The following NLRP13 variants were observed in gnomAD, a reference collection of about 807,000 sequenced individuals.
NLRP13 encodes NLR family pyrin domain containing 13.
In NLRP13, 82 loss-of-function variants were observed where a neutral mutation model predicts 94.4. That is an observed-to-expected ratio of 0.87 (90% CI 0.73 to 1.04). The LOEUF (loss-of-function observed/expected upper bound fraction) is 1.04. Ranked by LOEUF, NLRP13 falls within the 50% of genes least tolerant of loss-of-function variation. NLRP13 has a pLI of 0.00. For missense variants in NLRP13, 1,426 were observed against 1,230.8 expected, an observed-to-expected ratio of 1.16 and a Z score of -2.37; for synonymous variants, 553 against 464.7, an observed-to-expected ratio of 1.19 and a Z score of -2.45.
At chr19:55,892,647 CTGA>C (rs1228128323), downstream of NLRP13, among the ~76,000 whole-genome samples, 5 of 152,156 alleles carry the variant, frequency 3.3e-5, no homozygotes, top group African/African-American at 1.2e-4. Context: ...TCTCGAACTC[CTGA>C]CCTCAGGTGA....
At chr19:55,903,782 A>G (rs1986257773) in intron 8 of NLRP13, among the ~76,000 whole-genome samples, 1 of 151,744 alleles carries the variant, frequency 6.6e-6, no homozygotes, top group South Asian at 2.1e-4. Context: ...CTACCTTCCG[A>G]TCTATCCTGA....
At chr19:55,920,691 A>G (rs1194628612) in intron 4 of NLRP13, among the ~76,000 whole-genome samples, 2 of 152,178 alleles carry the variant, frequency 1.3e-5, no homozygotes, top group Non-Finnish European at 2.9e-5. Flanking sequence ...TGAAAATATT[A>G]GGATATTTCT....
intron 4 of NLRP13, among the ~76,000 whole-genome samples, chr19:55,920,494 A>G (rs1763524060): frequency 6.6e-6 from 1 of 152,122 alleles, no homozygotes; most frequent in South Asian, 2.1e-4. Flanking sequence ...GAGAAAGGAC[A>G]TAAGCAGACA....
At chr19:55,916,890 G>C (rs1224566195) in intron 4 of NLRP13, among the ~76,000 whole-genome samples, 1 of 152,080 alleles carries the variant, frequency 6.6e-6, no homozygotes, top group Non-Finnish European at 1.5e-5. Context: ...TGCATTGCAA[G>C]AAGGGCCTCA....
At chr19:55,921,257 T>C (rs542805887) in intron 4 of NLRP13, among the ~76,000 whole-genome samples, 1 of 152,266 alleles carries the variant, frequency 6.6e-6, no homozygotes, top group East Asian at 1.9e-4. Context: ...GCAAACCACA[T>C]ATTGAGTCAA....
rs562274443 is a variant in NLRP13 at position 55,899,062 on chromosome 19, C to T, written c.2790-125G>A. 2.7e-5 allele frequency: 28 copies of T among 1,030,150 alleles called. No individual in the cohort carries two copies. In the South Asian group the frequency reaches 4.6e-4, roughly 17 times the overall value. The allele number at this position is 1,030,150 out of a possible 1,614,324, so 63.8% of individuals were successfully genotyped here. A position where few individuals can be genotyped will look rare whatever the true frequency, so the allele number is the denominator to read the frequency against. On this transcript the variant is annotated intron_variant, in intron 9 of 10. Transcript: ENST00000342929. ...CTGAAGCCAGACTTTTGTCCCAAGC[C>T]TCGAAGGAGGAGGGTGCGAGTCAGG...
At chr19:55,922,472 C>T (rs1335229166) in intron 4 of NLRP13, among the ~76,000 whole-genome samples, 2 of 152,202 alleles carry the variant, frequency 1.3e-5, no homozygotes, top group African/African-American at 4.8e-5. Context: ...GAGCTACAGG[C>T]ACACACCACC....
chr19:55,896,440 T>G (rs544251695), intron 10 of NLRP13, among the ~76,000 whole-genome samples: 1 of 146,674 alleles, frequency 6.8e-6, no homozygotes, highest in Non-Finnish European at 1.5e-5. Context: ...GAGAATCGCT[T>G]GAACCCGGGA....
chr19:55,924,645 G>T lies in NLRP13; in HGVS notation c.402C>A (p.Thr134=), dbSNP rs769730745. 6.2e-7 allele frequency: 1 copy of T among 1,612,844 alleles called. No homozygotes were observed. Among genetic ancestry groups the T allele is most frequent in the African/African-American group, 1.3e-5 (1 of 74,778 alleles). ...CTTGGTTTGGATCTTGGCATCCCTG[G>T]GTCTGCATATTCCCTGAAATAAACA... The part of the protein sequence containing the change: ...MLEAAAGNMQ[T]QGCQDPNQEE... The change falls in exon 3 of 11, where the codon ACC becomes ACA. Residue 134 remains threonine, a synonymous_variant. Coordinates refer to ENST00000342929, the MANE Select transcript of NLRP13 (RefSeq NM_176810.2).
chr19:55,931,472 G>A (rs1361594750), intron 1 of NLRP13, among the ~76,000 whole-genome samples: 3 of 151,870 alleles, frequency 2.0e-5, no homozygotes, highest in Non-Finnish European at 4.4e-5. Flanking sequence ...GCTTTGGGAG[G>A]TCGAGGCGAG....
rs1986211080 is a variant in NLRP13, at chr19:55,902,326, T to C, written c.2619-121A>G. On this transcript the variant is annotated intron_variant, in intron 8 of 10. Coordinates refer to ENST00000342929, the MANE Select transcript of NLRP13 (RefSeq NM_176810.2). ...TGCAGCAGCTCCCTGGACGACAAGG[T>C]CTTTCTTTTTAGCTGGACACCGACC... 3 of 736,244 alleles carry C rather than the reference T, an allele frequency of 4.1e-6. No homozygotes were observed. The African/African-American group carries it at 5.3e-5, about 13-fold the overall frequency. The allele number at this position is 736,244 out of a possible 1,614,324, so 45.6% of individuals were successfully genotyped here. A position where few individuals can be genotyped will look rare whatever the true frequency, so the allele number is the denominator to read the frequency against.
intron 1 of NLRP13, among the ~76,000 whole-genome samples, chr19:55,930,437 G>C (rs1046507702): frequency 6.6e-6 from 1 of 152,114 alleles, no homozygotes; most frequent in African/African-American, 2.4e-5. Context: ...TGTAATCCCA[G>C]AATTTTGGGA....
At chr19:55,907,738 G>A in intron 7 of NLRP13, 54 bp downstream of exon 7, 1 of 1,555,608 alleles carries the variant, frequency 6.4e-7, no homozygotes, top group Non-Finnish European at 8.8e-7. Context: ...GATCGTGGAA[G>A]CTACTGGTGG....
intron 8 of NLRP13, 122 bp downstream of exon 8, chr19:55,904,820 T>C (rs147142227): frequency 1.4e-5 from 11 of 790,628 alleles, no homozygotes; most frequent in African/African-American, 5.2e-5. Context: ...TCCTGGCACA[T>C]AGTAATTACT....
rs1484229870 is a variant in NLRP13 at position 55,896,126 on chromosome 19, G to A, written c.2958-7C>T. The A allele has an allele frequency of 6.2e-7, 1 of 1,613,794 alleles. No homozygotes were observed. The highest frequency in any genetic ancestry group is 1.7e-5 in the Admixed American group (1 of 59,988). ...CAGATTGCATTTCGCCAACCTAGGG[G>A]CGGGTGGGAAGAAAGCACAACAGAT... On this transcript the variant is annotated splice_polypyrimidine_tract_variant and splice_region_variant and intron_variant, in intron 10 of 10. Transcript: ENST00000342929.
intron 4 of NLRP13, among the ~76,000 whole-genome samples, chr19:55,921,793 A>G (rs963604713): frequency 2.6e-5 from 4 of 152,174 alleles, no homozygotes; most frequent in Non-Finnish European, 4.4e-5. Context: ...GAGGCCACAG[A>G]GTTGGAGATG....
intron 1 of NLRP13, among the ~76,000 whole-genome samples, chr19:55,931,170 T>G (rs371162906): frequency 2.6e-4 from 39 of 151,960 alleles, no homozygotes; most frequent in East Asian, 9.7e-4. Context: ...AAGTGTAGAA[T>G]GGGCAAGGCT....
rs768114649 is a variant in NLRP13, at chr19:55,913,190, C to T, written c.627G>A (p.Lys209=). The change falls in exon 5 of 11, where the codon AAG becomes AAA. Residue 209 remains lysine (K), a synonymous_variant. Coordinates refer to ENST00000342929, the MANE Select transcript of NLRP13 (RefSeq NM_176810.2). ...GGCGCTGCAGTTCCTCATGTTCGTC[C>T]TTTGATGTATTACGGATATATACGT... The part of the protein sequence containing the change: ...KDHVYIRNTS[K]DEHEELQRLL... The T allele has an allele frequency of 6.2e-6, 10 of 1,614,096 alleles. No individual in the cohort carries two copies. The Middle Eastern group carries it at 4.9e-4, about 80-fold the overall frequency.
At chr19:55,893,764 C>T (rs1174772205), downstream of NLRP13, among the ~76,000 whole-genome samples, 6 of 152,126 alleles carry the variant, frequency 3.9e-5, no homozygotes, top group Non-Finnish European at 7.4e-5. Flanking sequence ...AAAATCTGAG[C>T]GTTCTACAAG....
Sources: allele counts gnomAD v4.1 joint callset (sites outside exome capture counted in the v4.1 genomes callset), GRCh38; gene constraint gnomAD v4.1.1; transcripts MANE v1.5; gene names NCBI Gene and HGNC (gene_info 2026-07-23, HGNC 2026-07-21).